Variants in ST7 observed in about 807,000 individuals in gnomAD.
ST7 encodes suppressor of tumorigenicity 7 protein.
ST7 carries 28 observed loss-of-function variants against 78.7 expected under a neutral mutation model. That is an observed-to-expected ratio of 0.36 (90% CI 0.26 to 0.49). The LOEUF is 0.49. Ranked by LOEUF, ST7 falls within the 20% of genes least tolerant of loss-of-function variation. The probability of loss-of-function intolerance (pLI) is 0.99; values close to 1 mark genes in which losing one functional copy is unlikely to be tolerated. For missense variants in ST7, 418 were observed against 696.0 expected, an observed-to-expected ratio of 0.60 and a Z score of 4.49; for synonymous variants, 247 against 249.6, an observed-to-expected ratio of 0.99 and a Z score of 0.10.
At chr7:116,956,353 G>T in intron 1 of ST7, 1 of 393,690 alleles carries the variant, frequency 2.5e-6, no homozygotes, top group Non-Finnish European at 5.2e-6. Context: ...GCAGGAGCTA[G>T]CCTGGTCTAA....
intron 3 of ST7, among the ~76,000 whole-genome samples, chr7:117,124,093 T>C (rs899204965): frequency 1.3e-5 from 2 of 152,124 alleles, no homozygotes; most frequent in African/African-American, 4.8e-5. Context: ...GCAATTTAAG[T>C]GCTGATTAAA....
intron 10 of ST7, among the ~76,000 whole-genome samples, chr7:117,184,969 T>C (rs553255156): frequency 2.6e-5 from 4 of 152,296 alleles, no homozygotes; most frequent in African/African-American, 9.6e-5. Context: ...AAAATTATAA[T>C]AGGCAAAAAT....
chr7:117,186,713 T>C (rs998720682), intron 10 of ST7, among the ~76,000 whole-genome samples: 2 of 152,234 alleles, frequency 1.3e-5, no homozygotes, highest in South Asian at 2.1e-4. Flanking sequence ...TATAAACTTA[T>C]TGATATGTGC....
At chr7:117,182,892 A>G (rs773204125) in intron 10 of ST7, 4 of 152,254 alleles carry the variant, frequency 2.6e-5, no homozygotes, top group Non-Finnish European at 4.4e-5. Context: ...GAAGATTGCT[A>G]TAGAAGAGAT....
In ST7 at chr7:117,125,332, C is replaced by T. The variant is rs578235767; in HGVS notation, c.395-4461C>T. Among the ~76,000 whole-genome samples the T allele has an allele frequency of 7.2e-5, 11 of 152,078 alleles. No homozygotes were observed. The East Asian group carries it at 7.7e-4, about 11-fold the overall frequency. On this transcript the variant is annotated intron_variant, in intron 3 of 15. Coordinates refer to ENST00000323984, the MANE Select transcript of ST7 (RefSeq NM_001369598.1). ...GATGCTGTTACAGATTTAACCATCT[C>T]GACAGTATTCTTGAAGAAAGTGGTA... is the stretch of plus-strand genomic sequence containing the variant.
intron 10 of ST7, among the ~76,000 whole-genome samples, chr7:117,172,370 A>C (rs914236470): frequency 2.0e-5 from 3 of 152,208 alleles, no homozygotes; most frequent in Non-Finnish European, 4.4e-5. Context: ...CATTTTCTTC[A>C]AATTTTTTCT....
Position 117,136,201 on chromosome 7 carries a change from A to G in ST7, c.831A>G (p.Leu277=). The G allele has an allele frequency of 2.5e-6, 4 of 1,613,690 alleles. No individual in the cohort carries two copies. The highest frequency in any genetic ancestry group is 3.4e-6 in the Non-Finnish European group (4 of 1,179,694). The change falls in exon 8 of 16, where the codon CTA becomes CTG. Residue 277 remains leucine, a synonymous_variant. Transcript: ENST00000323984. The stretch of plus-strand genomic sequence containing the variant: ...GCTGTTACCGACGCTCTCAGCAGCT[A>G]CAACATCATGGATCCCAGTATGAAG... ...GDGCYRRSQQ[L]QHHGSQYEAQ... is the part of the protein sequence containing the mutation.
chr7:117,088,760 T>C (rs569889348), intron 1 of ST7, among the ~76,000 whole-genome samples: 4 of 152,336 alleles, frequency 2.6e-5, no homozygotes, highest in African/African-American at 9.6e-5. Flanking sequence ...GCTGATGCTG[T>C]GAAGAGCCCT....
chr7:117,002,095 G>A (rs912171275), intron 1 of ST7, among the ~76,000 whole-genome samples: 2 of 151,972 alleles, frequency 1.3e-5, no homozygotes, highest in Non-Finnish European at 2.9e-5. Flanking sequence ...GGGCATGGTG[G>A]TGCATGCCTA....
At chr7:117,036,301 A>G (rs902979200) in intron 1 of ST7, among the ~76,000 whole-genome samples, 1 of 152,230 alleles carries the variant, frequency 6.6e-6, no homozygotes, top group Non-Finnish European at 1.5e-5. Flanking sequence ...TCACTGCTAC[A>G]AGTGACTGGC....
intron 9 of ST7, among the ~76,000 whole-genome samples, chr7:117,165,079 T>C (rs1422092609): frequency 6.6e-6 from 1 of 152,180 alleles, no homozygotes; most frequent in Non-Finnish European, 1.5e-5. Context: ...CTAGTAACTA[T>C]AGAAAGGATT....
intron 13 of ST7, among the ~76,000 whole-genome samples, chr7:117,215,680 T>TA (rs1208166541): frequency 6.6e-6 from 1 of 152,182 alleles, no homozygotes; most frequent in East Asian, 1.9e-4. Flanking sequence ...GCTTCTCCAT[T>TA]ATGTACACAC....
chr7:117,207,680 G>A (rs1791905022), intron 12 of ST7, among the ~76,000 whole-genome samples: 1 of 152,186 alleles, frequency 6.6e-6, no homozygotes, highest in Non-Finnish European at 1.5e-5. Context: ...GGACACATGA[G>A]TTAGTTGTTT....
At chr7:117,208,164 C>T (rs1013512310) in intron 12 of ST7, among the ~76,000 whole-genome samples, 3 of 151,810 alleles carry the variant, frequency 2.0e-5, no homozygotes, top group South Asian at 2.1e-4. Flanking sequence ...CTTATTTTTC[C>T]GAAAAGATTT....
rs572089791 is a variant in ST7 at position 117,062,730 on chromosome 7, A to T, written c.152-37032A>T. On this transcript the variant is annotated intron_variant, in intron 1 of 15. Coordinates refer to ENST00000323984, the MANE Select transcript of ST7 (RefSeq NM_001369598.1). ...AAGTTAAATTAAATGTAGATTCTTCATAGGAAAAAAGTGAATGTTTATGTT... is the reference window on the plus strand; with the variant it reads ...AAGTTAAATTAAATGTAGATTCTTCTTAGGAAAAAAGTGAATGTTTATGTT... 1.6e-4 allele frequency among the ~76,000 whole-genome samples: 25 copies of T among 152,338 alleles called. 1 individual carries two copies. In the East Asian group the frequency reaches 4.6e-3, roughly 28 times the overall value.
At chr7:117,208,507 T>C (rs1333989907) in intron 12 of ST7, among the ~76,000 whole-genome samples, 1 of 152,160 alleles carries the variant, frequency 6.6e-6, no homozygotes, top group Non-Finnish European at 1.5e-5. Flanking sequence ...TTTCAGTTGC[T>C]GAGCCAAGAT....
chr7:117,172,343 T>C (rs912750925), intron 10 of ST7, among the ~76,000 whole-genome samples: 4 of 152,246 alleles, frequency 2.6e-5, no homozygotes, highest in African/African-American at 9.6e-5. Context: ...ATTATGAGAC[T>C]GTTTTTGTTT....
intron 1 of ST7, among the ~76,000 whole-genome samples, chr7:117,053,898 T>C (rs987329487): frequency 1.3e-5 from 2 of 150,954 alleles, no homozygotes; most frequent in Non-Finnish European, 2.9e-5. Context: ...CAGGCTGGAG[T>C]GGGATCTCTG....
chr7:117,025,062 A>T (rs1470092824), intron 1 of ST7, among the ~76,000 whole-genome samples: 1 of 152,218 alleles, frequency 6.6e-6, no homozygotes, highest in Non-Finnish European at 1.5e-5. Context: ...ATAATACTCT[A>T]GCAATATTAA....
Sources: gnomAD v4.1 joint callset for allele counts (sites outside exome capture counted in the v4.1 genomes callset) on GRCh38, gnomAD v4.1.1 for gene constraint, MANE v1.5 for transcripts, NCBI Gene and HGNC (gene_info 2026-07-23, HGNC 2026-07-21) for gene names.